The following STK3 variants were observed in gnomAD, a reference collection of about 807,000 sequenced individuals.
STK3 encodes serine/threonine kinase 3.
In STK3, 41 loss-of-function variants were observed where a neutral mutation model predicts 58.0. The observed-to-expected ratio is 0.71, with a 90% CI of 0.55 to 0.92. STK3 has a LOEUF of 0.92. Ranked by LOEUF, STK3 falls within the 40% of genes least tolerant of loss-of-function variation. The pLI, the probability that STK3 is intolerant of heterozygous loss-of-function variation, is 0.00. For synonymous variants in STK3, 170 were observed against 191.0 expected, an observed-to-expected ratio of 0.89 and a Z score of 0.91; for missense variants, 479 against 602.7, an observed-to-expected ratio of 0.79 and a Z score of 2.15.
intron 1 of STK3, among the ~76,000 whole-genome samples, chr8:98,439,751 CCCCAAA>C (rs1195633754): frequency 2.0e-5 from 3 of 152,170 alleles, no homozygotes; most frequent in Non-Finnish European, 4.4e-5. Flanking sequence ...AAAATCTAAA[CCCCAAA>C]CCCAAACCTG....
chr8:98,815,800 A>G (rs1446553486), intron 1 of STK3, among the ~76,000 whole-genome samples: 2 of 152,246 alleles, frequency 1.3e-5, no homozygotes, highest in Non-Finnish European at 2.9e-5. Flanking sequence ...CCACTGGGTA[A>G]CTAAACAGAA....
intron 1 of STK3, among the ~76,000 whole-genome samples, chr8:98,907,253 G>A (rs547443509): frequency 1.3e-5 from 2 of 152,116 alleles, no homozygotes; most frequent in East Asian, 3.9e-4. Flanking sequence ...GTGGCTTATG[G>A]CTGTAATCCC....
At chr8:98,569,909 A>T (rs1411931416) in intron 8 of STK3, among the ~76,000 whole-genome samples, 2 of 150,490 alleles carry the variant, frequency 1.3e-5, no homozygotes, top group South Asian at 4.2e-4. Context: ...CAAAAAAAAA[A>T]AATATGTGTG....
chr8:98,700,225 A>C (rs1050618569), intron 6 of STK3, among the ~76,000 whole-genome samples: 4 of 152,180 alleles, frequency 2.6e-5, no homozygotes, highest in Non-Finnish European at 5.9e-5. Context: ...GGAAAAGCGC[A>C]GTATTAGGGT....
intron 10 of STK3, among the ~76,000 whole-genome samples, chr8:98,465,881 T>C (rs1026215576): frequency 6.6e-6 from 1 of 152,232 alleles, no homozygotes; most frequent in Non-Finnish European, 1.5e-5. Context: ...CCATTTCTTA[T>C]GTGCATTTTC....
At chr8:98,383,387 G>C (rs1290811730) in intron 1 of STK3, among the ~76,000 whole-genome samples, 1 of 152,202 alleles carries the variant, frequency 6.6e-6, no homozygotes, top group Non-Finnish European at 1.5e-5. Context: ...TGTCAGACTA[G>C]ATGTATAAAT....
intron 7 of STK3, among the ~76,000 whole-genome samples, chr8:98,587,017 T>C (rs1391734749): frequency 1.7e-4 from 26 of 152,136 alleles, no homozygotes; most frequent in Non-Finnish European, 3.4e-4. Context: ...GCTAGCGGTC[T>C]ATCAATTTTG....
chr8:98,485,950 C>A (rs911318576), intron 10 of STK3, among the ~76,000 whole-genome samples: 2 of 152,132 alleles, frequency 1.3e-5, no homozygotes, highest in African/African-American at 4.8e-5. Flanking sequence ...AGGCAGAGTA[C>A]GACCCATGAC....
intron 3 of STK3, among the ~76,000 whole-genome samples, chr8:98,424,379 G>A (rs899210916): frequency 2.0e-5 from 3 of 152,130 alleles, no homozygotes; most frequent in African/African-American, 7.2e-5. Flanking sequence ...GAAGCATGTT[G>A]GCACAGCTCT....
chr8:98,716,786 A>C (rs1827050399), intron 4 of STK3, among the ~76,000 whole-genome samples: 1 of 152,232 alleles, frequency 6.6e-6, no homozygotes, highest in African/African-American at 2.4e-5. Flanking sequence ...ACAAAGCTAT[A>C]GTAATCAAAA....
chr8:98,456,966 AG>A (rs2131142097), intron 10 of STK3, among the ~76,000 whole-genome samples: 1 of 152,324 alleles, frequency 6.6e-6, no homozygotes, highest in East Asian at 1.9e-4. Context: ...GAAAAGAATG[AG>A]TCATAGACTC....
intron 1 of STK3, among the ~76,000 whole-genome samples, chr8:98,786,492 G>A (rs1832470216): frequency 1.3e-5 from 2 of 152,118 alleles, no homozygotes; most frequent in African/African-American, 4.8e-5. Context: ...AGGCTGCAGT[G>A]AGCCATGATC....
At chr8:98,634,136 T>C (rs969416446) in intron 6 of STK3, among the ~76,000 whole-genome samples, 1 of 152,030 alleles carries the variant, frequency 6.6e-6, no homozygotes, top group African/African-American at 2.4e-5. Context: ...ATCAGCACAG[T>C]GGCAGTGGAG....
chr8:98,593,980 C>A (rs1006045084), intron 7 of STK3, among the ~76,000 whole-genome samples: 7 of 152,078 alleles, frequency 4.6e-5, no homozygotes, highest in African/African-American at 1.4e-4. Flanking sequence ...TACTAGGAGT[C>A]CAAAGGTAGT....
At chr8:98,515,736 A>C (rs1463375675) in intron 10 of STK3, among the ~76,000 whole-genome samples, 1 of 151,590 alleles carries the variant, frequency 6.6e-6, no homozygotes, top group Non-Finnish European at 1.5e-5. Flanking sequence ...TCCAGGCATT[A>C]GTTTCTTCAG....
At chr8:98,376,506 A>C (rs1465688769) in intron 2 of STK3, among the ~76,000 whole-genome samples, 2 of 142,900 alleles carry the variant, frequency 1.4e-5, no homozygotes, top group East Asian at 4.4e-4. Flanking sequence ...CCAAGGTCGC[A>C]TAGATTTTTT....
At chr8:98,444,991 T>A (rs1049877910) in intron 1 of STK3, among the ~76,000 whole-genome samples, 5 of 152,204 alleles carry the variant, frequency 3.3e-5, no homozygotes, top group African/African-American at 1.2e-4. Context: ...GTACTAAGAA[T>A]AGTTGGCTTT....
intron 6 of STK3, among the ~76,000 whole-genome samples, chr8:98,632,558 C>T (rs886687773): frequency 1.6e-4 from 24 of 152,238 alleles, no homozygotes; most frequent in Middle Eastern, 3.4e-3. Flanking sequence ...TTAGATCTGA[C>T]GCAGAGGAAA....
intron 1 of STK3, among the ~76,000 whole-genome samples, chr8:98,799,520 A>G (rs1833381605): frequency 6.6e-6 from 1 of 152,202 alleles, no homozygotes; most frequent in South Asian, 2.1e-4. Context: ...AAGCCAGGGT[A>G]AGGTTCTGTC....
Sources: allele counts gnomAD v4.1 joint callset (sites outside exome capture counted in the v4.1 genomes callset), GRCh38; gene constraint gnomAD v4.1.1; transcripts MANE v1.5; gene names NCBI Gene and HGNC (gene_info 2026-07-23, HGNC 2026-07-21).